ENPP6: variants seen among roughly 807,000 people sequenced by gnomAD.
ENPP6 encodes ectonucleotide pyrophosphatase/phosphodiesterase 6.
A neutral mutation model predicts 42.0 loss-of-function variants in ENPP6; 32 were observed. That is an observed-to-expected ratio of 0.76 (90% confidence interval 0.58 to 1.02). ENPP6 has a LOEUF of 1.02. Among genes scored for constraint, ENPP6 ranks in the 50% least tolerant of loss-of-function variants. The pLI is 0.00. For missense variants in ENPP6, 552 were observed against 566.8 expected (o/e 0.97, Z 0.27); for synonymous variants, 213 against 216.0 (o/e 0.99, Z 0.12).
At chr4:184,113,901 T>TTCTTTCTC (rs1579615192) in intron 5 of ENPP6, among the ~76,000 whole-genome samples, 1 of 61,004 alleles carries the variant, frequency 1.6e-5, no homozygotes, top group Non-Finnish European at 3.5e-5. Flanking sequence ...TTTCTTTCTT[T>TTCTTTCTC]TCTTTCTTTC....
intron 1 of ENPP6, among the ~76,000 whole-genome samples, chr4:184,176,685 A>G (rs1456873374): frequency 6.6e-6 from 1 of 152,104 alleles, no homozygotes; most frequent in Non-Finnish European, 1.5e-5. Flanking sequence ...AGAACCTGCT[A>G]GAGTTGACTG....
intron 1 of ENPP6, among the ~76,000 whole-genome samples, chr4:184,166,693 C>T (rs1574518): frequency 0.75 from 114,403 of 152,234 alleles, 43,498 homozygotes; most frequent in African/African-American, 0.83. Context: ...TGAGTTCTTA[C>T]AGAGGCTTCT....
intron 1 of ENPP6, among the ~76,000 whole-genome samples, chr4:184,207,173 CT>C (rs1733015440): frequency 6.6e-6 from 1 of 152,200 alleles, no homozygotes; most frequent in Admixed American, 6.5e-5. Flanking sequence ...GTGGAACAAA[CT>C]TATTTCAGCA....
intron 1 of ENPP6, among the ~76,000 whole-genome samples, chr4:184,197,268 T>TG (rs1732816438): frequency 6.6e-6 from 1 of 152,222 alleles, no homozygotes; most frequent in African/African-American, 2.4e-5. Context: ...AATCTACACA[T>TG]GCACCACACA....
At chr4:184,172,430 G>T (rs765287643) in intron 1 of ENPP6, among the ~76,000 whole-genome samples, 1 of 152,062 alleles carries the variant, frequency 6.6e-6, no homozygotes, top group Non-Finnish European at 1.5e-5. Flanking sequence ...ACCCAGCTAC[G>T]CTCCTCTCCC....
At chr4:184,182,479 A>G (rs1732568874) in intron 1 of ENPP6, among the ~76,000 whole-genome samples, 1 of 152,202 alleles carries the variant, frequency 6.6e-6, no homozygotes, top group Admixed American at 6.5e-5. Context: ...AGAATCAGAA[A>G]TACCATTTGA....
chr4:184,127,893 C>T, intron 2 of ENPP6, among the ~76,000 whole-genome samples: 1 of 152,032 alleles, frequency 6.6e-6, no homozygotes, highest in Non-Finnish European at 1.5e-5. Context: ...CAAATTATGT[C>T]AACAGAAATT....
intron 1 of ENPP6, among the ~76,000 whole-genome samples, chr4:184,202,533 C>T (rs924324101): frequency 6.6e-6 from 1 of 152,226 alleles, no homozygotes; most frequent in Non-Finnish European, 1.5e-5. Flanking sequence ...CCCCGACCCA[C>T]ACCCAGATGG....
intron 1 of ENPP6, among the ~76,000 whole-genome samples, chr4:184,200,518 A>G (rs1388730675): frequency 6.6e-6 from 1 of 152,174 alleles, no homozygotes; most frequent in African/African-American, 2.4e-5. Context: ...AATTAACATC[A>G]ATTGCGCACT....
At chr4:184,112,946 T>A in intron 5 of ENPP6, 137 bp from the exon 6 acceptor site, 1 of 1,066,742 alleles carries the variant, frequency 9.4e-7, no homozygotes, top group South Asian at 2.1e-5. Flanking sequence ...TTTGAATATG[T>A]AAAAACAAAA....
intron 1 of ENPP6, among the ~76,000 whole-genome samples, chr4:184,212,801 A>G (rs1733134661): frequency 6.6e-6 from 1 of 152,024 alleles, no homozygotes; most frequent in Non-Finnish European, 1.5e-5. Flanking sequence ...AGCCAAAAGA[A>G]CAAAGCTGGA....
At chr4:184,105,825 A>G (rs1736078598) in intron 6 of ENPP6, among the ~76,000 whole-genome samples, 1 of 152,246 alleles carries the variant, frequency 6.6e-6, no homozygotes, top group African/African-American at 2.4e-5. Flanking sequence ...CACAGCAACC[A>G]GTATTACTAA....
intron 6 of ENPP6, among the ~76,000 whole-genome samples, chr4:184,111,996 C>T (rs1736203202): frequency 6.6e-6 from 1 of 152,168 alleles, no homozygotes; most frequent in Admixed American, 6.5e-5. Flanking sequence ...TTGAACCAAG[C>T]TAATAATTGC....
chr4:184,131,881 G>A (rs925508422), intron 2 of ENPP6, among the ~76,000 whole-genome samples: 28 of 151,674 alleles, frequency 1.8e-4, no homozygotes, highest in African/African-American at 6.8e-4. Context: ...AATTATGGAG[G>A]CTGAGAAGTC....
rs545090611 is a variant in ENPP6 at position 184,188,818 on chromosome 4, A to C, written c.241+28761T>G. On this transcript the variant is annotated intron_variant, in intron 1 of 7. Coordinates refer to ENST00000296741, the MANE Select transcript of ENPP6 (RefSeq NM_153343.4). ...TTAATCCCCTGGGCCTACTGGTAGG[A>C]CCAGCTTTGCATTTTATGTGACGGA... Among the ~76,000 whole-genome samples the C allele has an allele frequency of 9.9e-5, 15 of 152,284 alleles. No individual in the cohort carries two copies. In the East Asian group the frequency reaches 2.9e-3, roughly 29 times the overall value.
intron 1 of ENPP6, among the ~76,000 whole-genome samples, chr4:184,189,403 C>G (rs1009766190): frequency 6.6e-6 from 1 of 152,182 alleles, no homozygotes; most frequent in African/African-American, 2.4e-5. Flanking sequence ...CACTTTCCCT[C>G]TTTTTAAATC....
At chr4:184,152,509 C>T (rs1350062041) in intron 2 of ENPP6, among the ~76,000 whole-genome samples, 1 of 152,182 alleles carries the variant, frequency 6.6e-6, no homozygotes, top group Non-Finnish European at 1.5e-5. Flanking sequence ...TCATTTATGC[C>T]TTCAACGTTC....
At chr4:184,127,503 A>G (rs1736523704) in intron 2 of ENPP6, among the ~76,000 whole-genome samples, 2 of 152,234 alleles carry the variant, frequency 1.3e-5, no homozygotes, top group Admixed American at 6.5e-5. Context: ...GTTATTTAAA[A>G]CGCAGAGGTG....
intron 1 of ENPP6, chr4:184,216,868 A>G (rs1279556411): frequency 2.6e-5 from 4 of 152,182 alleles, no homozygotes; most frequent in African/African-American, 9.7e-5. Flanking sequence ...CAGCTATCCC[A>G]AGCCCAGGCA....
Sources: allele counts gnomAD v4.1 joint callset (sites outside exome capture counted in the v4.1 genomes callset), GRCh38; gene constraint gnomAD v4.1.1; transcripts MANE v1.5; gene names NCBI Gene and HGNC (gene_info 2026-07-23, HGNC 2026-07-21).